The following PARVB variants were observed in gnomAD, a reference collection of about 807,000 sequenced individuals.
The protein encoded by PARVB is parvin beta, also known as beta-parvin.
PARVB carries 46 observed loss-of-function variants against 47.0 expected under a neutral mutation model. The observed-to-expected ratio is 0.98, with a 90% CI of 0.77 to 1.25. The LOEUF is 1.25. Among genes scored for constraint, PARVB ranks in the 50% most tolerant of loss-of-function variants. The probability of loss-of-function intolerance (pLI) is 0.00; values close to 1 mark genes in which losing one functional copy is unlikely to be tolerated. For missense variants in PARVB, 473 were observed against 471.6 expected, an observed-to-expected ratio of 1.00 and a Z score of -0.03; for synonymous variants, 196 against 196.3, an observed-to-expected ratio of 1.00 and a Z score of 0.01.
chr22:44,131,758 C>T, intron 5 of PARVB, 131 bp downstream of exon 5: 2 of 965,026 alleles, frequency 2.1e-6, no homozygotes, highest in Non-Finnish European at 3.0e-6. Context: ...GGTTCATCTC[C>T]CTGCTCTGTA....
intron 1 of PARVB, among the ~76,000 whole-genome samples, chr22:44,063,921 C>T (rs1451560365): frequency 2.0e-5 from 3 of 152,194 alleles, no homozygotes; most frequent in Admixed American, 2.0e-4. Context: ...CAGGCCTCCC[C>T]GGCTTCCCAT....
chr22:44,132,387 C>T (rs971019606), intron 5 of PARVB, among the ~76,000 whole-genome samples: 4 of 152,184 alleles, frequency 2.6e-5, no homozygotes, highest in African/African-American at 7.2e-5. Flanking sequence ...AAACCTGAGT[C>T]CGCATGCTGA....
chr22:44,022,159 G>A (rs7289308), upstream of PARVB, among the ~76,000 whole-genome samples: 15,006 of 151,870 alleles, frequency 0.099, 1,638 homozygotes, highest in African/African-American at 0.27. Flanking sequence ...CATAATTCCC[G>A]TAGACCTTGT....
intron 1 of PARVB, chr22:44,040,029 T>C: frequency 3.3e-6 from 1 of 300,158 alleles, no homozygotes; most frequent in South Asian, 2.6e-5. Context: ...TCTGTGGTGG[T>C]TGCCTCTGGG....
At position 44,093,048 on chromosome 22, in the gene PARVB, C is replaced by G. The variant is rs982541585; in HGVS notation, c.113-880C>G. ...CCAGTGCCATGAAAGTGGCCAGGGC[C>G]CTACCTGCACCCGGCACCATGGATG... is the stretch of plus-strand genomic sequence containing the variant. On this transcript the variant is annotated intron_variant, in intron 1 of 12. Transcript: ENST00000338758. Among the ~76,000 whole-genome samples the G allele has an allele frequency of 3.3e-5, 5 of 152,344 alleles. No homozygotes were observed. The East Asian group carries it at 9.7e-4, about 29-fold the overall frequency.
chr22:44,092,985 C>T (rs538414720), intron 1 of PARVB, among the ~76,000 whole-genome samples: 1 of 152,356 alleles, frequency 6.6e-6, no homozygotes, highest in South Asian at 2.1e-4. Flanking sequence ...GGTACCTTTG[C>T]AGCATGTGAT....
intron 8 of PARVB, chr22:44,142,499 T>G (rs2053575055): frequency 1.3e-5 from 2 of 148,810 alleles, no homozygotes; most frequent in Admixed American, 1.3e-4. Context: ...CGGGCCTTGT[T>G]GGAGGTTTAG....
At chr22:44,119,791 A>G (rs1346595675) in intron 4 of PARVB, 1 of 532,952 alleles carries the variant, frequency 1.9e-6, no homozygotes, top group South Asian at 1.4e-5. Context: ...GGTTACAGTT[A>G]CTGTTCAGAT....
rs910030744 is a variant in PARVB, at chr22:44,169,590, G to A, written c.*912G>A. ...ACAGGGGAGTGGCTCAGACATCAGA[G>A]AATTACATCCTCAGGCCTTTCGCCT... On this transcript the variant is annotated 3_prime_UTR_variant, in exon 13 of 13. Transcript: ENST00000338758. The A allele has an allele frequency of 1.3e-5, 2 of 150,666 alleles. No homozygotes were observed. Among genetic ancestry groups the A allele is most frequent in the Non-Finnish European group, 2.9e-5 (2 of 68,054 alleles). The allele number at this position is 150,666 out of a possible 1,614,324, so 9.3% of individuals were successfully genotyped here. A position where few individuals can be genotyped will look rare whatever the true frequency, so the allele number is the denominator to read the frequency against.
At chr22:44,096,128 G>A (rs901748800) in intron 2 of PARVB, among the ~76,000 whole-genome samples, 15 of 152,356 alleles carry the variant, frequency 9.8e-5, no homozygotes, top group South Asian at 2.1e-4. Flanking sequence ...GGGAGGCTAA[G>A]TCAGGAGAAT....
At chr22:44,065,859 A>ATGTGTG (rs139664039) in intron 1 of PARVB, among the ~76,000 whole-genome samples, 13,244 of 144,552 alleles carry the variant, frequency 0.092, 878 homozygotes, top group African/African-American at 0.19. Context: ...GTGTGTGTGC[A>ATGTGTG]TGTGTGTGTG....
chr22:44,121,843 G>C (rs1393878220), intron 4 of PARVB, among the ~76,000 whole-genome samples: 1 of 152,120 alleles, frequency 6.6e-6, no homozygotes, highest in Non-Finnish European at 1.5e-5. Flanking sequence ...GAGAACCTTG[G>C]TTCCAGAAAT....
intron 11 of PARVB, among the ~76,000 whole-genome samples, chr22:44,158,789 C>T (rs572598125): frequency 3.8e-4 from 58 of 152,378 alleles, no homozygotes; most frequent in African/African-American, 1.4e-3. Flanking sequence ...CCTTTAAAAA[C>T]TTGGCCATGG....
intron 2 of PARVB, among the ~76,000 whole-genome samples, chr22:44,008,735 C>T (rs2050492538): frequency 6.6e-6 from 1 of 151,936 alleles, no homozygotes; most frequent in Admixed American, 6.6e-5. Flanking sequence ...CCTGTAATCC[C>T]AGCGCTTTGA....
intron 6 of PARVB, among the ~76,000 whole-genome samples, chr22:44,134,921 G>A (rs1320993515): frequency 6.6e-6 from 1 of 152,212 alleles, no homozygotes; most frequent in African/African-American, 2.4e-5. Context: ...CCCAGCACCT[G>A]GTGGGTGCCT....
chr22:44,154,967 G>A (rs1264709765), intron 10 of PARVB, among the ~76,000 whole-genome samples: 3 of 134,826 alleles, frequency 2.2e-5, no homozygotes, highest in Non-Finnish European at 4.7e-5. Context: ...GGTTTTTGTA[G>A]TCTGTGTGGT....
In PARVB at chr22:44,075,232, G is replaced by A. The variant is rs184687714; in HGVS notation, c.113-18696G>A. Among the ~76,000 whole-genome samples the A allele has an allele frequency of 2.0e-5, 3 of 152,308 alleles. No individual in the cohort carries two copies. In the East Asian group the frequency reaches 5.8e-4, roughly 29 times the overall value. On this transcript the variant is annotated intron_variant, in intron 1 of 12. Coordinates refer to ENST00000338758, the MANE Select transcript of PARVB (RefSeq NM_013327.5). Reference sequence around the variant, plus strand: ...GCCTGGGACACACACAAACACGCACGCACATGCACGCATGCATACACTCAC... The same window carrying A: ...GCCTGGGACACACACAAACACGCACACACATGCACGCATGCATACACTCAC...
chr22:44,031,308 C>T (rs1442083298), intron 1 of PARVB: 1 of 152,234 alleles, frequency 6.6e-6, no homozygotes, highest in African/African-American at 2.4e-5. Context: ...GTGGGTGGCT[C>T]AGCTACATTT....
intron 1 of PARVB, among the ~76,000 whole-genome samples, chr22:44,030,865 C>G (rs2267593): frequency 4.0e-5 from 6 of 151,772 alleles, no homozygotes; most frequent in African/African-American, 1.5e-4. Flanking sequence ...CGTCAGGGCC[C>G]GTAGAAAAGT....
Sources: gnomAD v4.1 joint callset for allele counts (sites outside exome capture counted in the v4.1 genomes callset) on GRCh38, gnomAD v4.1.1 for gene constraint, MANE v1.5 for transcripts, NCBI Gene and HGNC (gene_info 2026-07-23, HGNC 2026-07-21) for gene names.